The following DNAH8 variants were observed in gnomAD, a reference collection of about 807,000 sequenced individuals.
DNAH8 encodes the protein dynein axonemal heavy chain 8.
In DNAH8, 382 loss-of-function variants were observed where a neutral mutation model predicts 562.1. The observed-to-expected ratio is 0.68, with a 90% CI of 0.63 to 0.74. DNAH8 has a LOEUF of 0.74. Among genes scored for constraint, DNAH8 ranks in the 30% least tolerant of loss-of-function variants. DNAH8 has a pLI of 0.00. For synonymous variants in DNAH8, 1,881 were observed against 1,919.4 expected (o/e 0.98, Z 0.52); for missense variants, 5,203 against 5,620.4 (o/e 0.93, Z 2.37).
At chr6:39,028,892 C>T (rs1001132545) in intron 92 of DNAH8, among the ~76,000 whole-genome samples, 22 of 152,250 alleles carry the variant, frequency 1.4e-4, no homozygotes, top group East Asian at 1.9e-4. Context: ...AGTCCTCACA[C>T]GGTGAGCCCC....
At chr6:38,889,313 T>A (rs1057299099) in intron 57 of DNAH8, among the ~76,000 whole-genome samples, 34 of 148,286 alleles carry the variant, frequency 2.3e-4, no homozygotes, top group Middle Eastern at 3.5e-3. Flanking sequence ...ATTTCAAAAA[T>A]TTTTTTTTTT....
At chr6:39,025,068 C>G (rs1023396357) in intron 91 of DNAH8, among the ~76,000 whole-genome samples, 7 of 152,158 alleles carry the variant, frequency 4.6e-5, no homozygotes, top group African/African-American at 1.7e-4. Flanking sequence ...GACTTAAGTC[C>G]AAACTCTGAC....
At chr6:38,734,333 C>CA (rs1562585445) in intron 4 of DNAH8, 141 bp from the exon 5 acceptor site, 7 of 815,348 alleles carry the variant, frequency 8.6e-6, no homozygotes, top group Admixed American at 4.2e-5. Context: ...TAGACCCCCC[C>CA]CCAAAAAAAT....
intron 5 of DNAH8, 130 bp from the exon 6 acceptor site, chr6:38,736,937 C>T (rs142241298): frequency 2.0e-5 from 12 of 590,398 alleles, no homozygotes. Flanking sequence ...TTCATAACCA[C>T]TTAAGATTCC....
At chr6:38,980,395 G>A (rs555588996) in intron 85 of DNAH8, among the ~76,000 whole-genome samples, 6 of 152,100 alleles carry the variant, frequency 3.9e-5, no homozygotes, top group African/African-American at 1.4e-4. Context: ...CAATGTTAGG[G>A]ACCAAGGCTC....
rs748949032 is a variant in DNAH8 at position 38,918,039 on chromosome 6, G to GA, written c.10426dup (p.Ser3476LysfsTer27). ...TTTTAATATGGATGATTATACTTTT[G>GA]AAAGTGCCAAAAAAGTCTGTGGGAA... On this transcript the variant is annotated frameshift_variant, in exon 70 of 93. Transcript: ENST00000327475. LOFTEE classifies it high-confidence loss of function. 1 of 1,613,786 alleles carries GA rather than the reference G, an allele frequency of 6.2e-7. No homozygotes were observed. The highest frequency in any genetic ancestry group is 1.7e-5 in the Admixed American group (1 of 59,982).
rs1238863344 is a variant in DNAH8, at chr6:38,947,466, A to G, written c.12129+1878A>G. ...ACATCCAGAGGCTGGAAGTCATCTT[A>G]TCACCTATCATGGCTGCAGCTCACT... On this transcript the variant is annotated intron_variant, in intron 80 of 92. Coordinates refer to ENST00000327475, the MANE Select transcript of DNAH8 (RefSeq NM_001206927.2). 1.6e-4 allele frequency among the ~76,000 whole-genome samples: 25 copies of G among 152,246 alleles called. 1 individual carries two copies. Among genetic ancestry groups the G allele is most frequent in the Admixed American group, 1.6e-3 (25 of 15,286 alleles).
At chr6:38,944,893 C>T (rs954820921) in intron 79 of DNAH8, among the ~76,000 whole-genome samples, 1 of 152,022 alleles carries the variant, frequency 6.6e-6, no homozygotes, top group Non-Finnish European at 1.5e-5. Context: ...CCTTCACTTC[C>T]TTCTTTATTC....
chr6:39,012,851 G>A (rs1006600010), intron 91 of DNAH8, among the ~76,000 whole-genome samples: 9 of 152,162 alleles, frequency 5.9e-5, no homozygotes, highest in African/African-American at 2.2e-4. Flanking sequence ...TTACAATGTG[G>A]TAGCAAAATC....
intron 12 of DNAH8, among the ~76,000 whole-genome samples, chr6:38,771,398 ATAAT>A (rs1336260809): frequency 6.6e-6 from 1 of 152,210 alleles, no homozygotes; most frequent in Non-Finnish European, 1.5e-5. Context: ...TTATTGAGAC[ATAAT>A]TAATATACTA....
intron 21 of DNAH8, among the ~76,000 whole-genome samples, chr6:38,795,020 A>G (rs1029422359): frequency 6.6e-6 from 1 of 152,178 alleles, no homozygotes; most frequent in African/African-American, 2.4e-5. Flanking sequence ...CACGCATTAC[A>G]TTTGATTGAA....
At chr6:39,000,969 G>A (rs1177136380) in intron 88 of DNAH8, among the ~76,000 whole-genome samples, 4 of 152,062 alleles carry the variant, frequency 2.6e-5, no homozygotes, top group East Asian at 1.9e-4. Context: ...CATAATGAGC[G>A]GTAAGGACCA....
At chr6:38,862,665 T>C (rs1776725282) in intron 44 of DNAH8, among the ~76,000 whole-genome samples, 1 of 152,208 alleles carries the variant, frequency 6.6e-6, no homozygotes, top group Non-Finnish European at 1.5e-5. Context: ...AGTGTTATAG[T>C]CTATGCATGG....
chr6:38,899,649 A>T (rs1779938271), intron 61 of DNAH8, 127 bp from the exon 62 acceptor site: 1 of 963,600 alleles, frequency 1.0e-6, no homozygotes, highest in African/African-American at 1.7e-5. Context: ...TCTGTCATAG[A>T]CCATTAACGA....
At chr6:38,881,542 A>C (rs1778482287) in intron 53 of DNAH8, among the ~76,000 whole-genome samples, 1 of 144,518 alleles carries the variant, frequency 6.9e-6, no homozygotes, top group South Asian at 2.3e-4. Context: ...AAATTTTTGA[A>C]ATCAATGTTT....
chr6:38,859,978 T>C (rs1214867143), intron 42 of DNAH8, among the ~76,000 whole-genome samples: 1 of 152,178 alleles, frequency 6.6e-6, no homozygotes, highest in South Asian at 2.1e-4. Flanking sequence ...CTTTTTTCAA[T>C]TCCTTGAAGA....
At chr6:38,890,602 C>A in intron 57 of DNAH8, 50 bp from the exon 58 acceptor site, 1 of 1,309,096 alleles carries the variant, frequency 7.6e-7, no homozygotes, top group Non-Finnish European at 1.1e-6. Context: ...TAAACATATA[C>A]TTGGAAATCT....
At chr6:39,012,660 G>A (rs1766298307) in intron 91 of DNAH8, 23 bp downstream of exon 91, 1 of 1,587,818 alleles carries the variant, frequency 6.3e-7, no homozygotes, top group African/African-American at 1.3e-5. Context: ...AGGAGATTTG[G>A]CAAGCTTGGA....
chr6:38,805,541 A>C lies in DNAH8; in HGVS notation c.3095A>C (p.Glu1032Ala), dbSNP rs761273361. Residue 1032 changes from glutamate to alanine, a missense_variant, in exon 23 of 93, where the codon GAA becomes GCA. Coordinates refer to ENST00000327475, the MANE Select transcript of DNAH8 (RefSeq NM_001206927.2). ...GGAGAGGGTGAAAACAATGACTATGAAGCTAATATTGTGAATGAGTTTGAT... is the reference window on the plus strand; with the variant it reads ...GGAGAGGGTGAAAACAATGACTATGCAGCTAATATTGTGAATGAGTTTGAT... The part of the protein sequence containing the change: ...ETGEGENNDY[E>A]ANIVNEFDTH... 2.0e-5 allele frequency: 33 copies of C among 1,610,094 alleles called. No individual in the cohort carries two copies. Among genetic ancestry groups the C allele is most frequent in the Admixed American group, 1.7e-5 (1 of 59,934 alleles).
Sources: gnomAD v4.1 joint callset for allele counts (sites outside exome capture counted in the v4.1 genomes callset) on GRCh38, gnomAD v4.1.1 for gene constraint, MANE v1.5 for transcripts, NCBI Gene and HGNC (gene_info 2026-07-23, HGNC 2026-07-21) for gene names.